Variants in ACO2 observed in about 807,000 individuals in gnomAD.
ACO2 encodes aconitate hydratase, mitochondrial.
ACO2 carries 31 observed loss-of-function variants against 84.5 expected under a neutral mutation model. That is an observed-to-expected ratio of 0.37 (90% CI 0.28 to 0.50). The LOEUF (loss-of-function observed/expected upper bound fraction) is 0.50, where lower values mean the gene tolerates loss of function less well. ACO2 is among the 20% of genes least tolerant of loss of function. ACO2 has a pLI of 0.97. For synonymous variants in ACO2, 414 were observed against 412.7 expected, an observed-to-expected ratio of 1.00 and a Z score of -0.04; for missense variants, 685 against 1,029.3, an observed-to-expected ratio of 0.67 and a Z score of 4.58.
intron 1 of ACO2, among the ~76,000 whole-genome samples, chr22:41,484,701 A>G (rs76315911): frequency 0.012 from 1,779 of 152,100 alleles, 38 homozygotes; most frequent in African/African-American, 0.041. Flanking sequence ...ATTCTTTGGG[A>G]ACCCATTCAT....
intron 1 of ACO2, among the ~76,000 whole-genome samples, chr22:41,489,648 T>C (rs749041143): frequency 1.3e-5 from 2 of 152,096 alleles, no homozygotes; most frequent in Non-Finnish European, 2.9e-5. Context: ...TTCCAAAGCT[T>C]GCTTAGATGC....
chr22:41,519,049 G>C (rs975208711), intron 8 of ACO2, among the ~76,000 whole-genome samples: 1 of 152,162 alleles, frequency 6.6e-6, no homozygotes, highest in African/African-American at 2.4e-5. Flanking sequence ...TGGGGAGGGG[G>C]GAGACACAGC....
chr22:41,483,572 G>A (rs1178247232), intron 1 of ACO2, among the ~76,000 whole-genome samples: 4 of 151,770 alleles, frequency 2.6e-5, no homozygotes, highest in African/African-American at 9.7e-5. Context: ...CAGGAGAATC[G>A]CTTGAACCCA....
intron 6 of ACO2, among the ~76,000 whole-genome samples, chr22:41,516,886 C>T (rs752406489): frequency 9.3e-5 from 14 of 151,306 alleles, no homozygotes; most frequent in Admixed American, 2.0e-4. Context: ...TGATGCCTGG[C>T]TAATTTTTTT....
intron 6 of ACO2, among the ~76,000 whole-genome samples, chr22:41,516,745 C>T (rs1390410011): frequency 1.3e-5 from 2 of 152,126 alleles, no homozygotes; most frequent in Non-Finnish European, 2.9e-5. Context: ...TTTTTTGAGA[C>T]AGAGTCTAAC....
chr22:41,515,315 G>A lies in ACO2; in HGVS notation c.526-62G>A. The A allele has an allele frequency of 6.2e-7, 1 of 1,604,054 alleles. No individual in the cohort carries two copies. Among genetic ancestry groups the A allele is most frequent in the Non-Finnish European group, 8.5e-7 (1 of 1,173,428 alleles). On this transcript the variant is annotated intron_variant, in intron 4 of 17. Coordinates refer to ENST00000216254, the MANE Select transcript of ACO2 (RefSeq NM_001098.3). The surrounding 1 kb of genome is among the most constrained non-coding windows in gnomAD (Gnocchi z 5.8). ...TGGTTGGGAGGCCCCGGGTCAGTGG[G>A]GCCATTTTTTGGTATTCTCGGCTGA...
At chr22:41,479,488 A>T (rs1273816521) in intron 1 of ACO2, among the ~76,000 whole-genome samples, 1 of 152,210 alleles carries the variant, frequency 6.6e-6, no homozygotes, top group Admixed American at 6.5e-5. Context: ...TGCAGATTTG[A>T]CTGCAGAACC....
At chr22:41,528,122 T>A in intron 17 of ACO2, 100 bp downstream of exon 17, 1 of 1,540,740 alleles carries the variant, frequency 6.5e-7, no homozygotes, top group Non-Finnish European at 8.8e-7. Context: ...GGAGGCTTCA[T>A]TCCAGCTGGA....
At chr22:41,504,939 G>A (rs1049142636) in intron 2 of ACO2, among the ~76,000 whole-genome samples, 13 of 151,734 alleles carry the variant, frequency 8.6e-5, no homozygotes, top group African/African-American at 2.4e-4. Flanking sequence ...GTCTCAAAAC[G>A]CCTGGACTCA....
intron 2 of ACO2, among the ~76,000 whole-genome samples, chr22:41,504,711 C>CTTTTTTTTTTTTTTTTTTT (rs926246283): frequency 4.1e-5 from 2 of 48,604 alleles, no homozygotes; most frequent in South Asian, 7.8e-4. Context: ...ACCTTAGGGA[C>CTTTTTTTTTTTTTTTTTTT]TTTTTTTTTT....
At chr22:41,499,423 T>C (rs2066338023) in intron 1 of ACO2, among the ~76,000 whole-genome samples, 1 of 152,234 alleles carries the variant, frequency 6.6e-6, no homozygotes. Context: ...CCCTATTTTC[T>C]ATCTCCTCTG....
intron 1 of ACO2, among the ~76,000 whole-genome samples, chr22:41,495,172 G>A (rs913442393): frequency 1.3e-5 from 2 of 152,234 alleles, no homozygotes; most frequent in African/African-American, 2.4e-5. Flanking sequence ...GACTATAGGT[G>A]TATGCCACCA....
chr22:41,474,015 T>C (rs1401905294), intron 1 of ACO2, among the ~76,000 whole-genome samples: 1 of 152,146 alleles, frequency 6.6e-6, no homozygotes. Flanking sequence ...TCATCTGGGC[T>C]GCTGCGTGCA....
chr22:41,506,334 G>A (rs1236681906), intron 2 of ACO2, among the ~76,000 whole-genome samples: 1 of 151,738 alleles, frequency 6.6e-6, no homozygotes, highest in Non-Finnish European at 1.5e-5. Flanking sequence ...CTCACTGCAA[G>A]CTCCGCCTCC....
intron 1 of ACO2, chr22:41,469,514 G>A (rs903933857): frequency 9.5e-6 from 3 of 316,084 alleles, no homozygotes; most frequent in Admixed American, 1.0e-4. Context: ...TCAAGGTGAG[G>A]ACAAGGTGAC....
intron 2 of ACO2, among the ~76,000 whole-genome samples, chr22:41,501,290 T>C (rs1322840342): frequency 6.6e-6 from 1 of 152,164 alleles, no homozygotes; most frequent in Non-Finnish European, 1.5e-5. Context: ...GCGCGAGCCA[T>C]GGTGCCTGGC....
intron 2 of ACO2, among the ~76,000 whole-genome samples, chr22:41,502,409 G>T (rs1394966932): frequency 2.6e-5 from 4 of 152,150 alleles, no homozygotes; most frequent in African/African-American, 9.7e-5. Flanking sequence ...GCACTGGCCC[G>T]TTCCCCAGCA....
intron 15 of ACO2, 32 bp downstream of exon 15, chr22:41,526,485 G>A: frequency 3.2e-6 from 5 of 1,571,640 alleles, no homozygotes; most frequent in Non-Finnish European, 4.3e-6. Flanking sequence ...CAATGCCAGT[G>A]GTCACTCCTG....
At chr22:41,477,387 CTGACCTTGTG>C (rs1394392319) in intron 1 of ACO2, among the ~76,000 whole-genome samples, 2 of 151,564 alleles carry the variant, frequency 1.3e-5, no homozygotes, top group Non-Finnish European at 2.9e-5. Context: ...TCTCAATCTC[CTGACCTTGTG>C]ATCCACCTGC....
Sources: allele counts gnomAD v4.1 joint callset (sites outside exome capture counted in the v4.1 genomes callset), GRCh38; gene constraint gnomAD v4.1.1; non-coding constraint Gnocchi (gnomAD v3.1); transcripts MANE v1.5; gene names NCBI Gene and HGNC (gene_info 2026-07-23, HGNC 2026-07-21).